The following SPG11 variants were observed in gnomAD, a reference collection of about 807,000 sequenced individuals.
SPG11 encodes the protein SPG11 vesicle trafficking associated, spatacsin.
A neutral mutation model predicts 274.0 loss-of-function variants in SPG11; 222 were observed. The ratio of observed to expected loss-of-function variants is 0.81; its 90% CI spans 0.73 to 0.91. The LOEUF (loss-of-function observed/expected upper bound fraction) is 0.91, where lower values mean the gene tolerates loss of function less well. Among genes scored for constraint, SPG11 ranks in the 40% least tolerant of loss-of-function variants. The pLI, the probability that SPG11 is intolerant of heterozygous loss-of-function variation, is 0.00. For missense variants in SPG11, 3,114 were observed against 2,872.7 expected, an observed-to-expected ratio of 1.08 and a Z score of -1.92; for synonymous variants, 1,144 against 1,039.7, an observed-to-expected ratio of 1.10 and a Z score of -1.93.
At position 44,583,970 on chromosome 15, in the gene SPG11, A is replaced by C. The variant is rs2082705435; in HGVS notation, c.5710T>G (p.Tyr1904Asp). Residue 1904 changes from tyrosine (Y) to aspartate (D), a missense_variant, in exon 30 of 40, where the codon TAT becomes GAT. Coordinates refer to ENST00000261866, the MANE Select transcript of SPG11 (RefSeq NM_025137.4). ...ASRVCRYFHF[Y>D]NPDVALVLHC... Reference sequence around the variant, plus strand: ...AATACCAAGGCGACATCTGGATTATAAAAATGAAAATACCGGCATACTCTA... The same window carrying C: ...AATACCAAGGCGACATCTGGATTATCAAAATGAAAATACCGGCATACTCTA... 1 of 1,614,236 alleles carries C rather than the reference A, an allele frequency of 6.2e-7. No homozygotes were observed. The highest frequency in any genetic ancestry group is 1.7e-5 in the Admixed American group (1 of 60,018).
intron 30 of SPG11, among the ~76,000 whole-genome samples, chr15:44,579,544 A>G (rs925931254): frequency 1.4e-4 from 21 of 151,820 alleles, no homozygotes; most frequent in East Asian, 3.9e-4. Flanking sequence ...AAAAAAAAAA[A>G]AAAAAGAAAA....
Position 44,657,248 on chromosome 15 carries a change from G to A in SPG11, c.716C>T (p.Ala239Val), listed in dbSNP as rs764680914. The A allele has an allele frequency of 1.1e-5, 18 of 1,614,052 alleles. No homozygotes were observed. The highest frequency in any genetic ancestry group is 4.4e-5 in the South Asian group (4 of 91,092). Residue 239 changes from alanine to valine, a missense_variant, in exon 4 of 40, where the codon GCA becomes GTA. Ala to Val is a moderately conservative substitution (Grantham distance 64). Coordinates refer to ENST00000261866, the MANE Select transcript of SPG11 (RefSeq NM_025137.4). Reference sequence around the variant, plus strand: ...ATTACACATGTCTTCTTTGTGAAGTGCTAAATCCACATGAGCTACATATGT... The same window carrying A: ...ATTACACATGTCTTCTTTGTGAAGTACTAAATCCACATGAGCTACATATGT... ...DGTYVAHVDL[A>V]LHKEDMCNEQ...
intron 10 of SPG11, among the ~76,000 whole-genome samples, chr15:44,627,343 C>G (rs1041499388): frequency 6.6e-6 from 1 of 152,062 alleles, no homozygotes; most frequent in Non-Finnish European, 1.5e-5. Context: ...ATCTGTAAAC[C>G]CCATTAAGCC....
chr15:44,604,182 C>T (rs1435322179), intron 20 of SPG11: 2 of 426,946 alleles, frequency 4.7e-6, no homozygotes, highest in South Asian at 3.4e-5. Flanking sequence ...GGACTTTTCA[C>T]ATTGTGACCT....
At chr15:44,584,913 G>GACACTGCA (rs1166215947) in intron 29 of SPG11, among the ~76,000 whole-genome samples, 1 of 152,200 alleles carries the variant, frequency 6.6e-6, no homozygotes, top group African/African-American at 2.4e-5. Context: ...ATAGGCATGA[G>GACACTGCA]CCACTGCACC....
intron 34 of SPG11, among the ~76,000 whole-genome samples, chr15:44,569,736 A>G (rs2082379908): frequency 7.3e-6 from 1 of 137,002 alleles, no homozygotes. Context: ...TTTTTTTTTG[A>G]GATGGAGTCT....
At position 44,594,879 on chromosome 15, in the gene SPG11, C is replaced by T. The variant is rs369671206; in HGVS notation, c.4635+380G>A. ...TCATCCAGGCTGGAGTGCAGTGGCA[C>T]GATCTCGGCTCACTGCAACCTCCAC... On this transcript the variant is annotated intron_variant, in intron 26 of 39. Transcript: ENST00000261866. Among the ~76,000 whole-genome samples the T allele has an allele frequency of 3.4e-4, 52 of 152,336 alleles. No individual in the cohort carries two copies. In the South Asian group the frequency reaches 7.2e-3, roughly 21 times the overall value.
At chr15:44,657,364 G>A in intron 3 of SPG11, 68 bp from the exon 4 acceptor site, 1 of 1,453,878 alleles carries the variant, frequency 6.9e-7, no homozygotes, top group Non-Finnish European at 9.6e-7. Flanking sequence ...GCACAGGTTG[G>A]GAAAGAGCTA....
intron 19 of SPG11, among the ~76,000 whole-genome samples, chr15:44,606,608 A>C (rs558642665): frequency 1.3e-5 from 2 of 152,350 alleles, no homozygotes; most frequent in South Asian, 4.1e-4. Flanking sequence ...AAGATCTGGC[A>C]GCAGCAAGTA....
rs757410113 is a variant in SPG11 at position 44,566,243 on chromosome 15, A to G, written c.6817T>C (p.Leu2273=). 6.2e-7 allele frequency: 1 copy of G among 1,614,052 alleles called. No homozygotes were observed. The highest frequency in any genetic ancestry group is 8.5e-7 in the Non-Finnish European group (1 of 1,180,032). Residue 2273 remains leucine (L), a synonymous_variant, in exon 37 of 40, where the codon TTG becomes CTG. Coordinates refer to ENST00000261866, the MANE Select transcript of SPG11 (RefSeq NM_025137.4). ...QLLLKALTLM[L]DAAESYAKDS... Reference sequence around the variant, plus strand: ...TTGGCATAACTCTCTGCTGCATCCAACATCAGAGTCAGGGCCTTCAGCAGC... The same window carrying G: ...TTGGCATAACTCTCTGCTGCATCCAGCATCAGAGTCAGGGCCTTCAGCAGC...
intron 21 of SPG11, among the ~76,000 whole-genome samples, chr15:44,599,393 G>A (rs146026500): frequency 8.0e-4 from 121 of 152,102 alleles, no homozygotes; most frequent in African/African-American, 2.6e-3. Context: ...TCTGCCTCCC[G>A]GGTTCAAGCG....
At chr15:44,656,617 G>C (rs151275179) in intron 4 of SPG11, among the ~76,000 whole-genome samples, 4 of 152,166 alleles carry the variant, frequency 2.6e-5, no homozygotes, top group Non-Finnish European at 2.9e-5. Flanking sequence ...TAGTGACTTG[G>C]GGGAGGGACG....
intron 6 of SPG11, 55 bp downstream of exon 6, chr15:44,651,436 G>C (rs1235676763): frequency 3.4e-6 from 5 of 1,490,104 alleles, no homozygotes; most frequent in Non-Finnish European, 4.7e-6. Context: ...GTAAAATACA[G>C]TAGGAAAGCA....
intron 2 of SPG11, among the ~76,000 whole-genome samples, chr15:44,659,697 G>A (rs939536295): frequency 6.6e-5 from 10 of 152,160 alleles, no homozygotes; most frequent in Middle Eastern, 3.4e-3. Context: ...TTCTGCTCCC[G>A]GCAGTCAACA....
chr15:44,618,385 G>A (rs919799087), intron 15 of SPG11, among the ~76,000 whole-genome samples: 2 of 151,372 alleles, frequency 1.3e-5, no homozygotes, highest in African/African-American at 2.4e-5. Flanking sequence ...AGGCGTGGTG[G>A]CGGGCGCCTG....
intron 7 of SPG11, among the ~76,000 whole-genome samples, chr15:44,634,216 C>T (rs949225979): frequency 6.6e-6 from 1 of 152,162 alleles, no homozygotes; most frequent in African/African-American, 2.4e-5. Context: ...ATTTCTACAA[C>T]AATTCAAAGC....
chr15:44,574,921 CAG>C lies in SPG11; in HGVS notation c.5985_5986del (p.Cys1996SerfsTer3), dbSNP rs1555447724. The C allele has an allele frequency of 6.2e-7, 1 of 1,614,044 alleles. No individual in the cohort carries two copies. The highest frequency in any genetic ancestry group is 1.1e-5 in the South Asian group (1 of 91,078). The stretch of plus-strand genomic sequence containing the variant: ...ACATACCTTGGCAAGATCATACAGA[CAG>C]AGGACCTGTCGACAGTAGTTCTTCC... On this transcript the variant is annotated frameshift_variant, in exon 31 of 40. Transcript: ENST00000261866. LOFTEE classifies it high-confidence loss of function.
intron 34 of SPG11, 42 bp downstream of exon 34, chr15:44,570,483 G>A: frequency 6.2e-7 from 1 of 1,613,576 alleles, no homozygotes; most frequent in Non-Finnish European, 8.5e-7. Flanking sequence ...TACTCTCAAA[G>A]GTTTCCACAG....
In SPG11 at chr15:44,574,951, T is replaced by C; in HGVS notation, c.5957A>G (p.His1986Arg). 6.2e-7 allele frequency: 1 copy of C among 1,614,136 alleles called. No homozygotes were observed. The highest frequency in any genetic ancestry group is 8.5e-7 in the Non-Finnish European group (1 of 1,180,030). Residue 1986 changes from histidine to arginine, a missense_variant, in exon 31 of 40, where the codon CAT becomes CGT. Physicochemically the swap from His to Arg is conservative, Grantham distance 29. Transcript: ENST00000261866. The stretch of plus-strand genomic sequence containing the variant: ...GACCTGTCGACAGTAGTTCTTCCCA[T>C]GGAGGCATTTGCTTGTCAGCACTTC... ...NLEVLTSKCLHGKNYCRQVLC... is the reference protein window; with the variant it reads ...NLEVLTSKCLRGKNYCRQVLC...
Sources: gnomAD v4.1 joint callset for allele counts (sites outside exome capture counted in the v4.1 genomes callset) on GRCh38, gnomAD v4.1.1 for gene constraint, MANE v1.5 for transcripts, NCBI Gene and HGNC (gene_info 2026-07-23, HGNC 2026-07-21) for gene names.